The following MACROD2 variants were observed in gnomAD, a reference collection of about 807,000 sequenced individuals.
MACROD2 encodes mono-ADP ribosylhydrolase 2, also known as ADP-ribose glycohydrolase MACROD2.
Under a neutral mutation model 70.4 loss-of-function variants are expected in MACROD2, and 36 were observed. That is an observed-to-expected ratio of 0.51 (90% CI 0.39 to 0.68). The LOEUF is 0.68. MACROD2 is among the 30% of genes least tolerant of loss of function. MACROD2 has a pLI of 0.00. For synonymous variants in MACROD2, 172 were observed against 178.8 expected (o/e 0.96, Z 0.30); for missense variants, 496 against 538.4 (o/e 0.92, Z 0.78).
At chr20:14,287,123 A>G (rs905437774) in intron 3 of MACROD2, among the ~76,000 whole-genome samples, 9 of 152,112 alleles carry the variant, frequency 5.9e-5, no homozygotes, top group African/African-American at 1.7e-4. Context: ...ACTCTCTTCA[A>G]TTCTTCCCCA....
chr20:15,755,708 A>C (rs2327965), intron 8 of MACROD2, among the ~76,000 whole-genome samples: 1 of 152,194 alleles, frequency 6.6e-6, no homozygotes, highest in Admixed American at 6.5e-5. Context: ...ATTATCATGT[A>C]CCCAACATTG....
chr20:15,598,206 G>A (rs2048771697), intron 8 of MACROD2, among the ~76,000 whole-genome samples: 1 of 152,216 alleles, frequency 6.6e-6, no homozygotes, highest in Non-Finnish European at 1.5e-5. Flanking sequence ...CATGTTTGAA[G>A]TTTAAATTAT....
At chr20:14,052,924 G>C (rs2053586885) in intron 2 of MACROD2, among the ~76,000 whole-genome samples, 1 of 152,014 alleles carries the variant, frequency 6.6e-6, no homozygotes, top group Non-Finnish European at 1.5e-5. Context: ...TCTGTTAAGT[G>C]GAAGTAAACA....
intron 3 of MACROD2, among the ~76,000 whole-genome samples, chr20:14,214,748 G>A (rs1229752040): frequency 2.0e-5 from 3 of 150,652 alleles, no homozygotes; most frequent in Non-Finnish European, 4.4e-5. Flanking sequence ...TCTATCCCTC[G>A]CTCCCATCCC....
intron 6 of MACROD2, among the ~76,000 whole-genome samples, chr20:15,388,450 G>T (rs545624470): frequency 6.6e-6 from 1 of 152,040 alleles, no homozygotes; most frequent in Admixed American, 6.6e-5. Context: ...TAGTGGATAT[G>T]TTTGACATAT....
intron 5 of MACROD2, among the ~76,000 whole-genome samples, chr20:14,736,343 G>A (rs1268880298): frequency 1.3e-5 from 2 of 152,142 alleles, no homozygotes; most frequent in Non-Finnish European, 2.9e-5. Context: ...GGGAGTGATT[G>A]CTTAATGGGT....
At chr20:15,091,744 A>G (rs1041542387) in intron 5 of MACROD2, among the ~76,000 whole-genome samples, 3 of 152,088 alleles carry the variant, frequency 2.0e-5, no homozygotes, top group African/African-American at 7.2e-5. Flanking sequence ...CACAATATGC[A>G]TTTTTTAATC....
At chr20:16,035,165 A>T (rs1306109431) in intron 15 of MACROD2, among the ~76,000 whole-genome samples, 4 of 64,922 alleles carry the variant, frequency 6.2e-5, no homozygotes, top group East Asian at 4.0e-4. Flanking sequence ...TATAATATAA[A>T]ATATAAAATA....
chr20:15,817,657 C>T (rs1177675330), intron 8 of MACROD2, among the ~76,000 whole-genome samples: 1 of 152,126 alleles, frequency 6.6e-6, no homozygotes, highest in Non-Finnish European at 1.5e-5. Context: ...TCCCTGGTGC[C>T]AGTATCTTAG....
chr20:15,009,986 A>G (rs1333165526), intron 5 of MACROD2, among the ~76,000 whole-genome samples: 1 of 152,252 alleles, frequency 6.6e-6, no homozygotes, highest in East Asian at 1.9e-4. Flanking sequence ...TCATAAAAAA[A>G]GCTCACTTCA....
At chr20:14,094,497 G>T (rs1451962246) in intron 3 of MACROD2, among the ~76,000 whole-genome samples, 1 of 151,750 alleles carries the variant, frequency 6.6e-6, no homozygotes, top group Non-Finnish European at 1.5e-5. Flanking sequence ...GAAGTAATGG[G>T]CCCTTTTTTG....
At chr20:15,891,754 A>G (rs555525322) in intron 10 of MACROD2, among the ~76,000 whole-genome samples, 1 of 152,326 alleles carries the variant, frequency 6.6e-6, no homozygotes, top group East Asian at 1.9e-4. Flanking sequence ...GATGTGCAAT[A>G]CTGTGGAAAG....
intron 10 of MACROD2, among the ~76,000 whole-genome samples, chr20:15,914,575 G>A (rs722337): frequency 0.84 from 128,317 of 152,212 alleles, 55,388 homozygotes; most frequent in Non-Finnish European, 0.95. Context: ...ACCATAATGC[G>A]TAAGGACTAC....
chr20:14,144,697 G>A (rs926441788), intron 3 of MACROD2, among the ~76,000 whole-genome samples: 3 of 152,122 alleles, frequency 2.0e-5, no homozygotes, highest in Non-Finnish European at 4.4e-5. Context: ...CCACACAAGA[G>A]GAAATTGTGT....
At chr20:15,072,595 G>A (rs2075627155) in intron 5 of MACROD2, among the ~76,000 whole-genome samples, 1 of 152,216 alleles carries the variant, frequency 6.6e-6, no homozygotes, top group East Asian at 1.9e-4. Flanking sequence ...TTAGGTTATT[G>A]TCCTATTATT....
At chr20:15,145,689 A>C (rs2076225168) in intron 5 of MACROD2, among the ~76,000 whole-genome samples, 1 of 152,192 alleles carries the variant, frequency 6.6e-6, no homozygotes, top group South Asian at 2.1e-4. Flanking sequence ...CACGACATTT[A>C]AATTGTGACT....
intron 7 of MACROD2, among the ~76,000 whole-genome samples, chr20:15,467,403 T>C (rs1297214775): frequency 1.3e-5 from 2 of 152,244 alleles, no homozygotes; most frequent in African/African-American, 4.8e-5. Context: ...GAAGGTCAGC[T>C]TGTGGAAGAG....
intron 15 of MACROD2, among the ~76,000 whole-genome samples, chr20:16,024,590 G>A (rs1009939462): frequency 1.3e-5 from 2 of 152,028 alleles, no homozygotes; most frequent in Non-Finnish European, 2.9e-5. Context: ...ACATTGACTG[G>A]TAAAGGAGAG....
chr20:15,787,775 G>A (rs1044139368), intron 8 of MACROD2, among the ~76,000 whole-genome samples: 1 of 152,040 alleles, frequency 6.6e-6, no homozygotes, highest in Admixed American at 6.6e-5. Flanking sequence ...CTATGGAAAT[G>A]TTATGTAAAA....
Sources: allele counts gnomAD v4.1 joint callset (sites outside exome capture counted in the v4.1 genomes callset), GRCh38; gene constraint gnomAD v4.1.1; transcripts MANE v1.5; gene names NCBI Gene and HGNC (gene_info 2026-07-23, HGNC 2026-07-21).